Variants in FPGT observed in about 807,000 individuals in gnomAD.
The protein encoded by FPGT is GDP-L-fucose diphosphorylase.
FPGT carries 41 observed loss-of-function variants against 45.8 expected under a neutral mutation model. The ratio of observed to expected loss-of-function variants is 0.90; its 90% confidence interval spans 0.70 to 1.16. FPGT has a LOEUF of 1.16. FPGT is among the 50% of genes most tolerant of loss of function. FPGT has a pLI of 0.00. For missense variants in FPGT, 755 were observed against 689.1 expected, an observed-to-expected ratio of 1.10 and a Z score of -1.07; for synonymous variants, 292 against 247.2, an observed-to-expected ratio of 1.18 and a Z score of -1.70.
In FPGT at chr1:74,206,999, C is replaced by T. The variant is rs186559137; in HGVS notation, c.*1167C>T. The T allele has an allele frequency of 8.6e-5, 13 of 151,532 alleles. No individual in the cohort carries two copies. The highest frequency in any genetic ancestry group is 2.4e-4 in the African/African-American group (10 of 41,326). The allele number at this position is 151,532 out of a possible 1,614,324, so 9.4% of individuals were successfully genotyped here. A position where few individuals can be genotyped will look rare whatever the true frequency, so the allele number is the denominator to read the frequency against. Reference sequence around the variant, plus strand: ...AACCCTCAGTTATGATACTTATGTGCGTGTTTTTTTTTCCAAAGTTTTTCC... The same window carrying T: ...AACCCTCAGTTATGATACTTATGTGTGTGTTTTTTTTTCCAAAGTTTTTCC... On this transcript the variant is annotated 3_prime_UTR_variant, in exon 4 of 4. Transcript: ENST00000370898.
intron 3 of FPGT, 85 bp from the exon 4 acceptor site, chr1:74,204,306 C>A: frequency 1.2e-6 from 1 of 837,294 alleles, no homozygotes; most frequent in Non-Finnish European, 1.8e-6. Flanking sequence ...TGATTTGTAA[C>A]TTATGGGTTA....
At chr1:74,198,443 C>T (rs1221454989) in intron 1 of FPGT, 83 bp downstream of exon 1, 1 of 1,564,334 alleles carries the variant, frequency 6.4e-7, no homozygotes, top group East Asian at 2.4e-5. Context: ...TGGACTGTCA[C>T]TTCCCGTTTA....
chr1:74,205,428 A>G lies in FPGT; in HGVS notation c.1381A>G (p.Asn461Asp). Residue 461 changes from asparagine (N) to aspartate (D), a missense_variant, in exon 4 of 4, where the codon AAT becomes GAT. Transcript: ENST00000370898. ...TGTATGTTCCTTAAGCTTAAAGATGAATAGATGCTTAAAGTATGCAACTAT... is the reference window on the plus strand; with the variant it reads ...TGTATGTTCCTTAAGCTTAAAGATGGATAGATGCTTAAAGTATGCAACTAT... Reference protein sequence around the residue: ...SFVCSLSLKMNRCLKYATMAF... With the variant: ...SFVCSLSLKMDRCLKYATMAF... 6.2e-7 allele frequency: 1 copy of G among 1,613,816 alleles called. No individual in the cohort carries two copies. Among genetic ancestry groups the G allele is most frequent in the Non-Finnish European group, 8.5e-7 (1 of 1,179,686 alleles).
chr1:74,198,518 T>A, intron 1 of FPGT, 158 bp downstream of exon 1: 1 of 1,007,556 alleles, frequency 9.9e-7, no homozygotes. Flanking sequence ...TTGAGTTTTT[T>A]ATTCTTTTCA....
rs1027929555 is a variant in FPGT at position 74,207,820 on chromosome 1, G to A, written c.*1988G>A. On this transcript the variant is annotated 3_prime_UTR_variant, in exon 4 of 4. Transcript: ENST00000370898. ...TGTTTAACATTTATCTACTTACAGA[G>A]CGTTCAGAGGATGTTATATGTTTAT... is the stretch of plus-strand genomic sequence containing the variant. Among the ~76,000 whole-genome samples the A allele has an allele frequency of 6.6e-6, 1 of 151,926 alleles. No homozygotes were observed. Among genetic ancestry groups the A allele is most frequent in the Non-Finnish European group, 1.5e-5 (1 of 67,940 alleles).
In FPGT at chr1:74,206,789, C is replaced by T. The variant is rs1158465723; in HGVS notation, c.*957C>T. The stretch of plus-strand genomic sequence containing the variant: ...ATAATACACAGGTGATAAACAGTTT[C>T]GAGAAAATAAAAATTGGCTAGAATC... On this transcript the variant is annotated 3_prime_UTR_variant, in exon 4 of 4. Transcript: ENST00000370898. The T allele has an allele frequency of 5.3e-5, 8 of 151,852 alleles. No homozygotes were observed. The highest frequency in any genetic ancestry group is 3.3e-4 in the Admixed American group (5 of 15,210). 9.4% of individuals were successfully genotyped at this position (151,852 alleles called of 1,614,324 possible).
rs1652172191 is a variant in FPGT at position 74,205,247 on chromosome 1, C to A, written c.1200C>A (p.Ser400=). The A allele has an allele frequency of 1.2e-6, 2 of 1,613,794 alleles. No individual in the cohort carries two copies. Among genetic ancestry groups the A allele is most frequent in the South Asian group, 2.2e-5 (2 of 91,076 alleles). Residue 400 remains serine (S), a synonymous_variant, in exon 4 of 4, where the codon TCC becomes TCA. Transcript: ENST00000370898. ...PDIPECSGKT[S]CIIQSILDSR... ...TACCAGAATGCTCTGGCAAAACATC[C>A]TGTATCATTCAAAGCATACTGGATT...
chr1:74,201,212 T>C (rs1259996748), intron 2 of FPGT, 106 bp from the exon 3 acceptor site: 28 of 851,302 alleles, frequency 3.3e-5, no homozygotes, highest in Non-Finnish European at 5.1e-5. Context: ...TACTTATTCC[T>C]GAAAGGCAAA....
Position 74,205,204 on chromosome 1 carries a change from TTAG to T in FPGT, c.1160_1162del (p.Ser387del), listed in dbSNP as rs750442439. ...GAGCTCGGCTTACAGTCCATAACTT[TTAG>T]TATCTTTCCAGATATACCAGAATGC... is the stretch of plus-strand genomic sequence containing the variant. On this transcript the variant is annotated inframe_deletion, in exon 4 of 4. Transcript: ENST00000370898. 1.9e-5 allele frequency: 31 copies of T among 1,613,966 alleles called. No homozygotes were observed. Among genetic ancestry groups the T allele is most frequent in the Middle Eastern group, 1.6e-4 (1 of 6,084 alleles).
At position 74,205,530 on chromosome 1, in the gene FPGT, G is replaced by A; in HGVS notation, c.1483G>A (p.Val495Ile). The change falls in exon 4 of 4, where the codon GTC (valine) becomes ATC (isoleucine). Residue 495 changes from valine to isoleucine, a missense_variant. Physicochemically the swap from Val to Ile is conservative, Grantham distance 29. Coordinates refer to ENST00000370898, the MANE Select transcript of FPGT (RefSeq NM_003838.5). ...SDIKLLQFFG[V>I]CFLSCLDVWN... ...TATAAAGTTACTTCAATTCTTTGGAGTCTGTTTCCTGTCATGCTTAGATGT... is the reference window on the plus strand; with the variant it reads ...TATAAAGTTACTTCAATTCTTTGGAATCTGTTTCCTGTCATGCTTAGATGT... 4 of 1,613,038 alleles carry A rather than the reference G, an allele frequency of 2.5e-6. No homozygotes were observed. Among genetic ancestry groups the A allele is most frequent in the Middle Eastern group, 3.3e-4 (2 of 6,056 alleles).
Position 74,208,108 on chromosome 1 carries a change from A to G in FPGT, c.*2276A>G, listed in dbSNP as rs1652427286. ...CTCCATGACTATTGCTGCCTGGCTA[A>G]TAGCTATTATACTATCATTTGTAAG... On this transcript the variant is annotated 3_prime_UTR_variant, in exon 4 of 4. Transcript: ENST00000370898. Among the ~76,000 whole-genome samples, 1 of 152,006 alleles carries G rather than the reference A, an allele frequency of 6.6e-6. No homozygotes were observed. The highest frequency in any genetic ancestry group is 2.4e-5 in the African/African-American group (1 of 41,412).
Position 74,199,731 on chromosome 1 carries a change from A to G in FPGT, c.150A>G (p.Glu50=). The G allele has an allele frequency of 6.2e-7, 1 of 1,614,160 alleles. No individual in the cohort carries two copies. Among genetic ancestry groups the G allele is most frequent in the Non-Finnish European group, 8.5e-7 (1 of 1,180,010 alleles). ...VAITAADEKQ[E]LAYNQQLSEK... is the part of the protein sequence containing the mutation. ...TAACAGCGGCTGATGAAAAACAGGA[A>G]CTTGCTTACAACCAACAGCTGTCAG... The change falls in exon 2 of 4, where the codon GAA becomes GAG. Residue 50 remains glutamate, a synonymous_variant. Coordinates refer to ENST00000370898, the MANE Select transcript of FPGT (RefSeq NM_003838.5).
intron 2 of FPGT, 102 bp from the exon 3 acceptor site, chr1:74,201,216 A>C: frequency 1.1e-6 from 1 of 871,034 alleles, no homozygotes; most frequent in Non-Finnish European, 1.8e-6. Flanking sequence ...TATTCCTGAA[A>C]GGCAAATCCT....
Position 74,204,582 on chromosome 1 carries a change from G to T in FPGT, c.535G>T (p.Glu179Ter), listed in dbSNP as rs1271712413. 2.5e-6 allele frequency: 4 copies of T among 1,612,602 alleles called. No homozygotes were observed. The South Asian group carries it at 3.3e-5, about 13-fold the overall frequency. Reference protein sequence around the residue: ...DIELYSIGEFEFIRFDKPGFT... With the variant: ...DIELYSIGEF ...TGAACTTTATAGTATTGGAGAATTT[G>T]AGTTTATTAGGTTTGACAAACCTGG... The change falls in exon 4 of 4, where the codon GAG becomes TAG. Residue 179 changes from glutamate (E) to a stop codon, truncating the protein, a stop_gained. Coordinates refer to ENST00000370898, the MANE Select transcript of FPGT (RefSeq NM_003838.5). LOFTEE classifies it high-confidence loss of function.
rs1652108768 is a variant in FPGT at position 74,204,648 on chromosome 1, A to G, written c.601A>G (p.Thr201Ala). 1 of 1,613,598 alleles carries G rather than the reference A, an allele frequency of 6.2e-7. No homozygotes were observed. The highest frequency in any genetic ancestry group is 8.5e-7 in the Non-Finnish European group (1 of 1,179,530). Residue 201 changes from threonine (T) to alanine (A), a missense_variant, in exon 4 of 4, where the codon ACC becomes GCC. Coordinates refer to ENST00000370898, the MANE Select transcript of FPGT (RefSeq NM_003838.5). ...LAHPSSLTIG[T>A]THGVFVLDPF... is the part of the protein sequence containing the mutation. ...TCATCCTTCTAGTTTGACGATAGGT[A>G]CCACACATGGAGTATTTGTCTTAGA...
chr1:74,199,868 T>G (rs370987974), intron 2 of FPGT, 37 bp downstream of exon 2: 2 of 1,588,758 alleles, frequency 1.3e-6, no homozygotes, highest in African/African-American at 2.7e-5. Context: ...ATATAGGTCC[T>G]AAGCAGAATA....
chr1:74,204,424 C>G lies in FPGT; in HGVS notation c.377C>G (p.Ala126Gly). The change falls in exon 4 of 4, where the codon GCT becomes GGT. Residue 126 changes from alanine (A) to glycine (G), a missense_variant. Physicochemically the swap from Ala to Gly is moderately conservative, Grantham distance 60. Coordinates refer to ENST00000370898, the MANE Select transcript of FPGT (RefSeq NM_003838.5). ...GYSQRLPNAS[A>G]LGKIFTALPL... ...AGTCAACGACTTCCAAATGCAAGTGCTCTGGGAAAAATTTTCACTGCTTTA... is the reference window on the plus strand; with the variant it reads ...AGTCAACGACTTCCAAATGCAAGTGGTCTGGGAAAAATTTTCACTGCTTTA... 1.3e-6 allele frequency: 2 copies of G among 1,594,038 alleles called. No homozygotes were observed. Among genetic ancestry groups the G allele is most frequent in the East Asian group, 2.2e-5 (1 of 44,744 alleles).
chr1:74,199,413 T>A (rs1651553783), intron 1 of FPGT, among the ~76,000 whole-genome samples: 1 of 152,170 alleles, frequency 6.6e-6, no homozygotes, highest in Non-Finnish European at 1.5e-5. Context: ...ATAATTAAAT[T>A]GGATTGCAAA....
rs1652356239 is a variant in FPGT at position 74,207,299 on chromosome 1, C to A, written c.*1467C>A. Reference sequence around the variant, plus strand: ...TTTTTAAATACAGATTTTTATTTAACCCTCTTGCATATACATATAAAATAA... The same window carrying A: ...TTTTTAAATACAGATTTTTATTTAAACCTCTTGCATATACATATAAAATAA... On this transcript the variant is annotated 3_prime_UTR_variant, in exon 4 of 4. Coordinates refer to ENST00000370898, the MANE Select transcript of FPGT (RefSeq NM_003838.5). 1 of 151,884 alleles carries A rather than the reference C, an allele frequency of 6.6e-6. No homozygotes were observed. Among genetic ancestry groups the A allele is most frequent in the African/African-American group, 2.4e-5 (1 of 41,364 alleles). 9.4% of individuals were successfully genotyped at this position (151,884 alleles called of 1,614,324 possible). A position where few individuals can be genotyped will look rare whatever the true frequency, so the allele number is the denominator to read the frequency against.
Sources: allele counts gnomAD v4.1 joint callset (sites outside exome capture counted in the v4.1 genomes callset), GRCh38; gene constraint gnomAD v4.1.1; transcripts MANE v1.5; gene names NCBI Gene and HGNC (gene_info 2026-07-23, HGNC 2026-07-21).